SNRPN: variants seen among roughly 807,000 people sequenced by gnomAD.
SNRPN encodes the protein small nuclear ribonucleoprotein-associated protein N.
In SNRPN, 7 loss-of-function variants were observed where a neutral mutation model predicts 25.2. That is an observed-to-expected ratio of 0.28 (90% CI 0.16 to 0.52). SNRPN has a LOEUF of 0.52. Among genes scored for constraint, SNRPN ranks in the 20% least tolerant of loss-of-function variants. The pLI is 0.96. For missense variants in SNRPN, 196 were observed against 322.5 expected, an observed-to-expected ratio of 0.61 and a Z score of 3.00; for synonymous variants, 124 against 110.6, an observed-to-expected ratio of 1.12 and a Z score of -0.76.
intron 1 of SNRPN, among the ~76,000 whole-genome samples, chr15:24,874,883 G>A (rs1460474041): frequency 1.3e-5 from 2 of 152,164 alleles, no homozygotes; most frequent in African/African-American, 4.8e-5. Flanking sequence ...GGAATTTTAG[G>A]AATGCTGTTG....
intron 2 of SNRPN, among the ~76,000 whole-genome samples, chr15:24,914,376 C>A (rs1447769043): frequency 2.0e-5 from 3 of 152,014 alleles, no homozygotes; most frequent in African/African-American, 7.2e-5. Context: ...GGAGTCTAAT[C>A]CAGCTTCAAA....
chr15:24,861,409 T>C (rs1403369937), intron 1 of SNRPN, among the ~76,000 whole-genome samples: 3 of 152,108 alleles, frequency 2.0e-5, no homozygotes, highest in Admixed American at 6.6e-5. Context: ...CATAAAAAGA[T>C]GGTATAAAAC....
upstream of SNRPN, among the ~76,000 whole-genome samples, chr15:24,953,449 G>C (rs1049612058): frequency 1.3e-5 from 2 of 152,032 alleles, no homozygotes; most frequent in African/African-American, 2.4e-5. Flanking sequence ...TCAGCCTCCC[G>C]AGTAGCTAAG....
At chr15:24,867,864 C>T (rs2054727641) in intron 1 of SNRPN, among the ~76,000 whole-genome samples, 1 of 151,926 alleles carries the variant, frequency 6.6e-6, no homozygotes, top group Non-Finnish European at 1.5e-5. Context: ...CTCCTCCTGT[C>T]TTCCATTTGT....
upstream of SNRPN, among the ~76,000 whole-genome samples, chr15:24,855,798 A>G (rs1215947097): frequency 1.4e-5 from 2 of 147,606 alleles, no homozygotes; most frequent in Non-Finnish European, 3.0e-5. Context: ...TCTCAAAAAA[A>G]AAAAAAAAAA....
chr15:24,877,661 AACACACACACACACACAC>A (rs72120147), intron 1 of SNRPN, among the ~76,000 whole-genome samples: 3 of 144,644 alleles, frequency 2.1e-5, no homozygotes, highest in African/African-American at 5.1e-5. Flanking sequence ...ATCTCTACAA[AACACACACACACACACAC>A]ACACACACAC....
At chr15:24,969,356 T>C (rs930304712) in intron 3 of SNRPN, among the ~76,000 whole-genome samples, 1 of 150,598 alleles carries the variant, frequency 6.6e-6, no homozygotes, top group Non-Finnish European at 1.5e-5. Flanking sequence ...CTCAAACTCC[T>C]GAACTCAGGT....
chr15:24,975,052 T>TAC (rs576918531), intron 4 of SNRPN: 10 of 690,988 alleles, frequency 1.4e-5, no homozygotes, highest in Non-Finnish European at 2.6e-5. Context: ...GAGAACACCC[T>TAC]ACATCATTGT....
chr15:24,971,318 T>A (rs1311587294), intron 3 of SNRPN, among the ~76,000 whole-genome samples: 2 of 152,188 alleles, frequency 1.3e-5, no homozygotes. Flanking sequence ...TTTGTTTTCT[T>A]GTGCTGTAAA....
chr15:24,909,256 T>A (rs1437416678), intron 2 of SNRPN: 1 of 1,591,756 alleles, frequency 6.3e-7, no homozygotes, highest in Non-Finnish European at 8.6e-7. Context: ...CTGCATTAAA[T>A]TCCTTGCTTT....
At chr15:24,902,760 G>A (rs977152223) in intron 2 of SNRPN, among the ~76,000 whole-genome samples, 6 of 152,194 alleles carry the variant, frequency 3.9e-5, no homozygotes, top group African/African-American at 7.2e-5. Context: ...GCCGGCTTCA[G>A]GAGTGAAGCT....
intron 4 of SNRPN, 76 bp downstream of exon 4, chr15:24,974,532 G>T: frequency 2.2e-6 from 3 of 1,364,630 alleles, no homozygotes; most frequent in Non-Finnish European, 3.1e-6. Flanking sequence ...CATGTGCAGT[G>T]ATCTTGGGTT....
At chr15:24,908,082 T>TAAGA (rs1375771848) in intron 2 of SNRPN, among the ~76,000 whole-genome samples, 2 of 100,762 alleles carry the variant, frequency 2.0e-5, no homozygotes, top group Non-Finnish European at 4.1e-5. Flanking sequence ...AAAAAAAGAA[T>TAAGA]AAGAAAGAAA....
chr15:24,889,526 T>C (rs1030581664), intron 2 of SNRPN, among the ~76,000 whole-genome samples: 25 of 149,566 alleles, frequency 1.7e-4, no homozygotes, highest in South Asian at 8.6e-4. Flanking sequence ...AGGATGGTCT[T>C]GATCTCCTGA....
intron 3 of SNRPN, among the ~76,000 whole-genome samples, chr15:24,933,448 G>A (rs1430231993): frequency 6.6e-6 from 1 of 151,988 alleles, no homozygotes; most frequent in Admixed American, 6.6e-5. Context: ...GGATTCTTGG[G>A]GAAAACGGTG....
intron 5 of SNRPN, among the ~76,000 whole-genome samples, chr15:24,975,839 G>C (rs976401284): frequency 6.6e-6 from 1 of 152,190 alleles, no homozygotes. Context: ...AATCTTGGTT[G>C]AAATGGAGAA....
At chr15:24,918,156 G>A (rs2059650044) in intron 2 of SNRPN, among the ~76,000 whole-genome samples, 1 of 151,500 alleles carries the variant, frequency 6.6e-6, no homozygotes, top group South Asian at 2.1e-4. Flanking sequence ...TACTGAATTT[G>A]CTTTGCTTTT....
At chr15:24,892,977 G>C (rs1263198725) in intron 2 of SNRPN, among the ~76,000 whole-genome samples, 1 of 152,096 alleles carries the variant, frequency 6.6e-6, no homozygotes, top group Non-Finnish European at 1.5e-5. Context: ...GGGAGGCTGA[G>C]GCAGGCGGAT....
chr15:24,876,913 A>T (rs2055956239), intron 1 of SNRPN, among the ~76,000 whole-genome samples: 2 of 152,208 alleles, frequency 1.3e-5, no homozygotes, highest in Admixed American at 1.3e-4. Context: ...CTAGAAATAT[A>T]TACCAGGGCT....
Sources: gnomAD v4.1 joint callset for allele counts (sites outside exome capture counted in the v4.1 genomes callset) on GRCh38, gnomAD v4.1.1 for gene constraint, MANE v1.5 for transcripts, NCBI Gene and HGNC (gene_info 2026-07-23, HGNC 2026-07-21) for gene names.